EPHA7: variants seen among roughly 807,000 people sequenced by gnomAD.
EPHA7 encodes ephrin type-A receptor 7.
Under a neutral mutation model 112.6 loss-of-function variants are expected in EPHA7, and 25 were observed. The ratio of observed to expected loss-of-function variants is 0.22; its 90% CI spans 0.16 to 0.31. EPHA7 has a LOEUF of 0.31. EPHA7 is among the 10% of genes least tolerant of loss of function. The pLI is 1.00. For synonymous variants in EPHA7, 437 were observed against 406.5 expected (o/e 1.07, Z -0.90); for missense variants, 962 against 1,212.6 (o/e 0.79, Z 3.07).
chr6:93,319,416 G>A (rs1194277697), intron 5 of EPHA7, among the ~76,000 whole-genome samples: 1 of 152,032 alleles, frequency 6.6e-6, no homozygotes, highest in Non-Finnish European at 1.5e-5. Context: ...CTTCTGGTGT[G>A]TTTTAAGGAT....
chr6:93,326,195 T>C lies in EPHA7; in HGVS notation c.1324+30522A>G, dbSNP rs539331513. ...AGAGATTAAAATCTGTCTCTCCCTA[T>C]AGTCTAAGTTCCATGAGAGGCTATG... On this transcript the variant is annotated intron_variant, in intron 5 of 16. Coordinates refer to ENST00000369303, the MANE Select transcript of EPHA7 (RefSeq NM_004440.4). Among the ~76,000 whole-genome samples the C allele has an allele frequency of 1.3e-4, 20 of 151,512 alleles. No individual in the cohort carries two copies. The South Asian group carries it at 4.1e-3, about 31-fold the overall frequency.
At chr6:93,310,037 G>T (rs931041511) in intron 5 of EPHA7, among the ~76,000 whole-genome samples, 1 of 152,100 alleles carries the variant, frequency 6.6e-6, no homozygotes, top group Non-Finnish European at 1.5e-5. Context: ...GCTTTATCAG[G>T]CATCTAGCAA....
intron 5 of EPHA7, among the ~76,000 whole-genome samples, chr6:93,281,014 C>A (rs1407096605): frequency 6.6e-6 from 1 of 152,030 alleles, no homozygotes; most frequent in African/African-American, 2.4e-5. Context: ...AATTGCTATT[C>A]TAAGGTGGGA....
intron 7 of EPHA7, among the ~76,000 whole-genome samples, chr6:93,266,135 C>A (rs1770924639): frequency 6.6e-6 from 1 of 151,564 alleles, no homozygotes; most frequent in East Asian, 1.9e-4. Flanking sequence ...TGAATTACAG[C>A]CTATTATCAC....
Position 93,319,194 on chromosome 6 carries a change from A to C in EPHA7, c.1324+37523T>G, listed in dbSNP as rs183278896. On this transcript the variant is annotated intron_variant, in intron 5 of 16. Coordinates refer to ENST00000369303, the MANE Select transcript of EPHA7 (RefSeq NM_004440.4). ...GAAACTTTATGGTGTGGAAGTTGCA[A>C]AATACTCTAGAAAGAGTAGGGTTAG... 4.9e-3 allele frequency among the ~76,000 whole-genome samples: 748 copies of C among 152,222 alleles called. 10 individuals carry two copies. Among genetic ancestry groups the C allele is most frequent in the African/African-American group, 0.017 (721 of 41,544 alleles).
Position 93,300,862 on chromosome 6 carries a change from G to A in EPHA7, c.1325-28440C>T, listed in dbSNP as rs145925805. On this transcript the variant is annotated intron_variant, in intron 5 of 16. Coordinates refer to ENST00000369303, the MANE Select transcript of EPHA7 (RefSeq NM_004440.4). The stretch of plus-strand genomic sequence containing the variant: ...TTTCATCATTATGCAAACATCGAGT[G>A]TACTTACACAAACTGAGATAGTACA... Among the ~76,000 whole-genome samples the A allele has an allele frequency of 5.9e-5, 9 of 152,248 alleles. No individual in the cohort carries two copies. The East Asian group carries it at 1.5e-3, about 26-fold the overall frequency.
intron 12 of EPHA7, among the ~76,000 whole-genome samples, chr6:93,257,073 T>C (rs970761405): frequency 1.3e-5 from 2 of 152,102 alleles, no homozygotes; most frequent in African/African-American, 4.8e-5. Context: ...ATAGAAATGG[T>C]TCTACAGAGC....
At chr6:93,350,015 A>T (rs1431687439) in intron 5 of EPHA7, among the ~76,000 whole-genome samples, 1 of 151,976 alleles carries the variant, frequency 6.6e-6, no homozygotes, top group East Asian at 1.9e-4. Flanking sequence ...TTATATAAAC[A>T]TTACAAATCA....
intron 11 of EPHA7, among the ~76,000 whole-genome samples, 181 bp from the exon 12 acceptor site, chr6:93,257,704 C>T (rs1260694721): frequency 1.3e-5 from 2 of 151,924 alleles, no homozygotes; most frequent in Non-Finnish European, 2.9e-5. Flanking sequence ...GGAAGATGGT[C>T]ATGATTCATA....
At chr6:93,371,745 C>T (rs909444845) in intron 3 of EPHA7, among the ~76,000 whole-genome samples, 7 of 152,170 alleles carry the variant, frequency 4.6e-5, no homozygotes, top group East Asian at 1.9e-4. Flanking sequence ...GTGCTATAAA[C>T]GAATATGTAT....
At chr6:93,345,780 T>C (rs1562112247) in intron 5 of EPHA7, among the ~76,000 whole-genome samples, 2 of 151,730 alleles carry the variant, frequency 1.3e-5, no homozygotes, top group Admixed American at 6.6e-5. Flanking sequence ...GTTAAAACTG[T>C]TAATGATTCT....
At chr6:93,296,465 A>T (rs867137995) in intron 5 of EPHA7, among the ~76,000 whole-genome samples, 4,195 of 128,206 alleles carry the variant, frequency 0.033, 223 homozygotes, top group African/African-American at 0.11. Context: ...ATATATATAT[A>T]TGTATATATA....
chr6:93,405,241 A>T (rs2127991170), intron 3 of EPHA7, among the ~76,000 whole-genome samples: 1 of 152,016 alleles, frequency 6.6e-6, no homozygotes, highest in Non-Finnish European at 1.5e-5. Flanking sequence ...ATAGAAATTC[A>T]AAATTCCTTT....
chr6:93,286,305 C>A (rs1016027500), intron 5 of EPHA7, among the ~76,000 whole-genome samples: 1 of 152,050 alleles, frequency 6.6e-6, no homozygotes. Flanking sequence ...ATCTATATTG[C>A]GGCATGGAGA....
chr6:93,345,982 GAAC>G (rs960426686), intron 5 of EPHA7, among the ~76,000 whole-genome samples: 1 of 151,624 alleles, frequency 6.6e-6, no homozygotes, highest in African/African-American at 2.4e-5. Context: ...AGTGAAAACA[GAAC>G]AACAACTAAA....
At chr6:93,383,611 T>G (rs1278378769) in intron 3 of EPHA7, among the ~76,000 whole-genome samples, 2 of 152,196 alleles carry the variant, frequency 1.3e-5, no homozygotes, top group African/African-American at 4.8e-5. Context: ...CATAAAAATG[T>G]AAAAATAAAA....
At chr6:93,267,073 ACT>A (rs995382720) in intron 7 of EPHA7, among the ~76,000 whole-genome samples, 1 of 151,694 alleles carries the variant, frequency 6.6e-6, no homozygotes, top group Non-Finnish European at 1.5e-5. Flanking sequence ...TAATACTATG[ACT>A]CTGATGGCTA....
intron 3 of EPHA7, among the ~76,000 whole-genome samples, chr6:93,361,509 A>G (rs1226366835): frequency 6.6e-6 from 1 of 152,232 alleles, no homozygotes; most frequent in African/African-American, 2.4e-5. Flanking sequence ...TAAATACTCA[A>G]TGAGATAAAG....
chr6:93,257,517 G>C lies in EPHA7; in HGVS notation c.2117C>G (p.Pro706Arg). 5.0e-6 allele frequency: 8 copies of C among 1,608,032 alleles called. No homozygotes were observed. Among genetic ancestry groups the C allele is most frequent in the Non-Finnish European group, 6.8e-6 (8 of 1,177,372 alleles). ...HLEGVVTRGK[P>R]VMIVIEFMEN... ...CATGAACTCTATTACTATCATGACTGGTTTCCCTAAAATTAAAAAAAAAAA... is the reference window on the plus strand; with the variant it reads ...CATGAACTCTATTACTATCATGACTCGTTTCCCTAAAATTAAAAAAAAAAA... The change falls in exon 12 of 17, where the codon CCA (proline) becomes CGA (arginine). Residue 706 changes from proline to arginine, a missense_variant. Coordinates refer to ENST00000369303, the MANE Select transcript of EPHA7 (RefSeq NM_004440.4).
Sources: allele counts gnomAD v4.1 joint callset (sites outside exome capture counted in the v4.1 genomes callset), GRCh38; gene constraint gnomAD v4.1.1; transcripts MANE v1.5; gene names NCBI Gene and HGNC (gene_info 2026-07-23, HGNC 2026-07-21).